FDX2: variants seen among roughly 807,000 people sequenced by gnomAD.
FDX2 encodes ferredoxin-2, mitochondrial.
A neutral mutation model predicts 18.5 loss-of-function variants in FDX2; 13 were observed. That is an observed-to-expected ratio of 0.70 (90% CI 0.46 to 1.12). FDX2 has a LOEUF of 1.12. FDX2 is among the 50% of genes most tolerant of loss of function. The pLI, the probability that FDX2 is intolerant of heterozygous loss-of-function variation, is 0.00. For synonymous variants in FDX2, 132 were observed against 106.2 expected (o/e 1.24, Z -1.49); for missense variants, 238 against 250.4 (o/e 0.95, Z 0.34).
Position 10,315,981 on chromosome 19 carries a change from C to A in FDX2, c.25G>T (p.Ala9Ser). 2.5e-6 allele frequency: 4 copies of A among 1,606,182 alleles called. No individual in the cohort carries two copies. The highest frequency in any genetic ancestry group is 3.4e-6 in the Non-Finnish European group (4 of 1,178,100). The change falls in exon 1 of 5, where the codon GCC becomes TCC. Residue 9 changes from alanine (A) to serine (S), a missense_variant. By Grantham distance (99) the Ala-to-Ser change is moderately conservative. Transcript: ENST00000393708. ...ACCCTGGCACTCACGCCTCCCCGGG[C>A]CATGGAGGCGGCCATGACATGCATC...
intron 2 of FDX2, 105 bp downstream of exon 2, chr19:10,315,600 T>G: frequency 3.3e-6 from 5 of 1,519,474 alleles, no homozygotes; most frequent in Non-Finnish European, 4.5e-6. Context: ...AGGTACTGAA[T>G]AGGGCAAAGC....
intron 3 of FDX2, among the ~76,000 whole-genome samples, chr19:10,312,164 C>T (rs1377180852): frequency 1.3e-5 from 2 of 148,686 alleles, no homozygotes; most frequent in African/African-American, 4.9e-5. Context: ...GCCACCGCAC[C>T]TGGCCATATT....
At position 10,315,430 on chromosome 19, in the gene FDX2, TC is replaced by T; in HGVS notation, c.271del (p.Asp91ThrfsTer31). 9.3e-6 allele frequency: 15 copies of T among 1,613,224 alleles called. No homozygotes were observed. Among genetic ancestry groups the T allele is most frequent in the Non-Finnish European group, 1.3e-5 (15 of 1,179,876 alleles). On this transcript the variant is annotated frameshift_variant, in exon 3 of 5. Transcript: ENST00000393708. LOFTEE classifies it high-confidence loss of function. ...GCGCTGGGCCAGGTGAAGAACATTG[TC>T]CCCGACTCTGCCACTCACTGGGATC...
At chr19:10,311,574 A>AT (rs1428891747) in intron 3 of FDX2, among the ~76,000 whole-genome samples, 1 of 136,354 alleles carries the variant, frequency 7.3e-6, no homozygotes, top group Non-Finnish European at 1.6e-5. Context: ...ATTTTTTTAT[A>AT]TTTTTTTAGT....
chr19:10,310,728 C>CT, intron 4 of FDX2, 86 bp from the exon 5 acceptor site: 1 of 1,344,346 alleles, frequency 7.4e-7, no homozygotes, highest in Non-Finnish European at 1.0e-6. Flanking sequence ...AGGAAGCTGA[C>CT]TGAGCGCAGG....
intron 3 of FDX2, among the ~76,000 whole-genome samples, chr19:10,312,535 T>C (rs945929007): frequency 1.3e-5 from 2 of 152,006 alleles, no homozygotes; most frequent in East Asian, 3.9e-4. Context: ...TGTTTTCCTT[T>C]GTAATTTTTT....
chr19:10,315,317 GGGTTTTTT>G (rs1192761734), intron 3 of FDX2, 61 bp downstream of exon 3: 13 of 212,880 alleles, frequency 6.1e-5, no homozygotes, highest in African/African-American at 1.6e-4. Context: ...CCTAATTTGT[GGGTTTTTT>G]TTTTTTTTTT....
intron 3 of FDX2, among the ~76,000 whole-genome samples, chr19:10,313,459 T>C (rs910440922): frequency 6.6e-6 from 1 of 151,748 alleles, no homozygotes; most frequent in Admixed American, 6.6e-5. Flanking sequence ...GCAGTAGGTA[T>C]TCATAGAAAG....
chr19:10,315,339 GGAC>G, intron 3 of FDX2, 44 bp downstream of exon 3: 3 of 320,646 alleles, frequency 9.4e-6, no homozygotes, highest in Non-Finnish European at 1.4e-5. Flanking sequence ...TTTTTTTTTT[GGAC>G]AAATGTATAA....
chr19:10,314,916 T>C (rs1452107192), intron 3 of FDX2, among the ~76,000 whole-genome samples: 1 of 151,970 alleles, frequency 6.6e-6, no homozygotes, highest in Non-Finnish European at 1.5e-5. Context: ...GCCTGGCCAA[T>C]GTGGTGAAAC....
Position 10,310,355 on chromosome 19 carries a change from G to A in FDX2, c.*131C>T. ...GACATGGGACTCTCTCCCAAGCAGG[G>A]GTGTTGTCCTTCACAGGGGCTTCCA... On this transcript the variant is annotated 3_prime_UTR_variant, in exon 5 of 5. Transcript: ENST00000393708. 8.0e-7 allele frequency: 1 copy of A among 1,256,436 alleles called. No individual in the cohort carries two copies. The allele number at this position is 1,256,436 out of a possible 1,614,324, so 77.8% of individuals were successfully genotyped here.
In FDX2 at chr19:10,310,233, T is replaced by C; in HGVS notation, c.*253A>G. The C allele has an allele frequency of 3.7e-6, 2 of 543,596 alleles. No homozygotes were observed. Among genetic ancestry groups the C allele is most frequent in the Non-Finnish European group, 6.6e-6 (2 of 303,790 alleles). The allele number at this position is 543,596 out of a possible 1,614,324, so 33.7% of individuals were successfully genotyped here. A position where few individuals can be genotyped will look rare whatever the true frequency, so the allele number is the denominator to read the frequency against. On this transcript the variant is annotated 3_prime_UTR_variant, in exon 5 of 5. Coordinates refer to ENST00000393708, the MANE Select transcript of FDX2 (RefSeq NM_001031734.4). ...TGCTGGGGCCTGTGTTATCGATTTA[T>C]TGCAGCTCCAATATGAGTCCACTCC...
chr19:10,312,740 T>C (rs914556605), intron 3 of FDX2, among the ~76,000 whole-genome samples: 1 of 151,162 alleles, frequency 6.6e-6, no homozygotes, highest in African/African-American at 2.4e-5. Flanking sequence ...GGTTTCACCA[T>C]GTTAGCCAGG....
intron 3 of FDX2, among the ~76,000 whole-genome samples, chr19:10,314,581 AGT>A (rs60809807): frequency 0.019 from 2,849 of 152,112 alleles, 82 homozygotes; most frequent in African/African-American, 0.065. Flanking sequence ...AAAAAAAAAA[AGT>A]GAGAAGTGCT....
intron 4 of FDX2, 33 bp downstream of exon 4, chr19:10,310,820 A>C: frequency 6.2e-7 from 1 of 1,603,460 alleles, no homozygotes; most frequent in Non-Finnish European, 8.5e-7. Flanking sequence ...CTCCAGGGTG[A>C]AGCTGCCAGC....
chr19:10,313,350 A>G (rs1021789088), intron 3 of FDX2, among the ~76,000 whole-genome samples: 1 of 152,144 alleles, frequency 6.6e-6, no homozygotes, highest in Non-Finnish European at 1.5e-5. Context: ...CAAGTTGGTC[A>G]TAATTATGTA....
chr19:10,313,199 T>A (rs12983510), intron 3 of FDX2, among the ~76,000 whole-genome samples: 1 of 152,002 alleles, frequency 6.6e-6, no homozygotes, highest in Admixed American at 6.6e-5. Flanking sequence ...GACTATTGGC[T>A]GCTGGATTCC....
intron 4 of FDX2, 22 bp from the exon 5 acceptor site, chr19:10,310,664 T>C (rs763369470): frequency 3.2e-6 from 5 of 1,575,630 alleles, no homozygotes; most frequent in Non-Finnish European, 2.6e-6. Context: ...ACACGGGCAG[T>C]GTTAGCCGAG....
In FDX2 at chr19:10,310,543, G is replaced by C. The variant is rs551593802; in HGVS notation, c.504C>G (p.Thr168=). The C allele has an allele frequency of 6.2e-7, 1 of 1,614,166 alleles. No individual in the cohort carries two copies. The highest frequency in any genetic ancestry group is 8.5e-7 in the Non-Finnish European group (1 of 1,180,026). ...AGAAGTTCCTGGTGATCTTGGGCAG[G>C]GTGAATTCCGCTCCTTCCAGCTCCG... The change falls in exon 5 of 5, where the codon ACC becomes ACG. Residue 168 remains threonine, a synonymous_variant. Transcript: ENST00000393708.
Sources: gnomAD v4.1 joint callset for allele counts (sites outside exome capture counted in the v4.1 genomes callset) on GRCh38, gnomAD v4.1.1 for gene constraint, MANE v1.5 for transcripts, NCBI Gene and HGNC (gene_info 2026-07-23, HGNC 2026-07-21) for gene names.